The following ASTN1 variants were observed in gnomAD, a reference collection of about 807,000 sequenced individuals.
ASTN1 encodes the protein astrotactin 1, also known as astrotactin-1.
In ASTN1, 41 loss-of-function variants were observed where a neutral mutation model predicts 140.7. That is an observed-to-expected ratio of 0.29 (90% CI 0.23 to 0.38). ASTN1 has a LOEUF of 0.38. Among genes scored for constraint, ASTN1 ranks in the 10% least tolerant of loss-of-function variants. ASTN1 has a pLI of 1.00. For missense variants in ASTN1, 1,479 were observed against 1,678.8 expected, an observed-to-expected ratio of 0.88 and a Z score of 2.08; for synonymous variants, 640 against 652.2, an observed-to-expected ratio of 0.98 and a Z score of 0.29.
intron 1 of ASTN1, among the ~76,000 whole-genome samples, chr1:177,162,803 C>T (rs2102271054): frequency 6.6e-6 from 1 of 152,290 alleles, no homozygotes; most frequent in African/African-American, 2.4e-5. Context: ...TTTCCATCCT[C>T]CAAATAACCC....
intron 1 of ASTN1, among the ~76,000 whole-genome samples, chr1:177,099,149 T>C (rs1680184818): frequency 6.6e-6 from 1 of 152,228 alleles, no homozygotes; most frequent in Non-Finnish European, 1.5e-5. Context: ...TATACTGCTA[T>C]AATTAAAAAT....
At chr1:177,103,022 A>G (rs1349464708) in intron 1 of ASTN1, among the ~76,000 whole-genome samples, 3 of 152,240 alleles carry the variant, frequency 2.0e-5, no homozygotes, top group Admixed American at 6.5e-5. Flanking sequence ...CCATACTGCA[A>G]AAGGATGATA....
At chr1:176,999,644 T>G in intron 8 of ASTN1, among the ~76,000 whole-genome samples, 1 of 152,178 alleles carries the variant, frequency 6.6e-6, no homozygotes, top group East Asian at 1.9e-4. Context: ...GAAGGTGATA[T>G]GGTTTGGCTG....
intron 7 of ASTN1, among the ~76,000 whole-genome samples, chr1:177,020,135 C>T (rs1158305376): frequency 6.6e-6 from 1 of 152,124 alleles, no homozygotes; most frequent in Non-Finnish European, 1.5e-5. Context: ...CAATCTGCCT[C>T]CCTTAGCCTC....
intron 1 of ASTN1, among the ~76,000 whole-genome samples, chr1:177,149,085 CAT>C (rs1296543675): frequency 4.3e-5 from 5 of 115,452 alleles, no homozygotes; most frequent in Non-Finnish European, 6.5e-5. Flanking sequence ...ATATAGTAAA[CAT>C]ATATATAGTA....
chr1:177,043,936 T>C (rs1245990630), intron 2 of ASTN1, among the ~76,000 whole-genome samples: 5 of 151,996 alleles, frequency 3.3e-5, no homozygotes, highest in African/African-American at 1.2e-4. Context: ...TTTAAAAAAT[T>C]ATTAAATTGA....
At chr1:176,949,040 C>T in intron 12 of ASTN1, 145 bp downstream of exon 12, 1 of 1,178,098 alleles carries the variant, frequency 8.5e-7, no homozygotes, top group Non-Finnish European at 1.2e-6. Flanking sequence ...AAAATGTTCC[C>T]CCCCAAGTCC....
chr1:177,104,838 T>A (rs1680476497), intron 1 of ASTN1, among the ~76,000 whole-genome samples: 1 of 152,214 alleles, frequency 6.6e-6, no homozygotes, highest in Admixed American at 6.5e-5. Context: ...AATATTTAGA[T>A]GAGATGATAC....
At chr1:176,913,211 G>T (rs1670326904) in intron 16 of ASTN1, among the ~76,000 whole-genome samples, 1 of 152,200 alleles carries the variant, frequency 6.6e-6, no homozygotes, top group Admixed American at 6.5e-5. Context: ...GACAGGGGTT[G>T]CCATGTTCTC....
chr1:177,095,056 G>A (rs886474129), intron 1 of ASTN1, among the ~76,000 whole-genome samples: 5 of 152,198 alleles, frequency 3.3e-5, no homozygotes, highest in African/African-American at 1.2e-4. Flanking sequence ...CCAGTATTTT[G>A]TAGAAGGTAG....
chr1:176,987,437 T>C (rs866897751), intron 8 of ASTN1, among the ~76,000 whole-genome samples: 5 of 152,316 alleles, frequency 3.3e-5, no homozygotes, highest in South Asian at 2.1e-4. Flanking sequence ...TTTCCTATAA[T>C]ACCGTATTCA....
chr1:177,087,899 G>C (rs1377545584), intron 1 of ASTN1, among the ~76,000 whole-genome samples: 1 of 152,194 alleles, frequency 6.6e-6, no homozygotes, highest in Non-Finnish European at 1.5e-5. Flanking sequence ...TCTCTCTGAG[G>C]GTGGCTTGCT....
rs957955624 is a variant in ASTN1 at position 176,980,049 on chromosome 1, C to T, written c.1524-14812G>A. 4.7e-4 allele frequency among the ~76,000 whole-genome samples: 71 copies of T among 152,196 alleles called. No homozygotes were observed. The Middle Eastern group carries it at 0.01, about 22-fold the overall frequency. On this transcript the variant is annotated intron_variant, in intron 8 of 22. Coordinates refer to ENST00000361833, the MANE Select transcript of ASTN1 (RefSeq NM_004319.3). ...AAAACCATGTGGAGCGTTAAAGGGT[C>T]AAGGGATCACTTGACATTTGAATAA...
intron 1 of ASTN1, among the ~76,000 whole-genome samples, chr1:177,108,861 T>C (rs1338729400): frequency 5.9e-5 from 9 of 152,094 alleles, no homozygotes; most frequent in Admixed American, 3.9e-4. Flanking sequence ...AGTTATATAG[T>C]TGTAGGCATT....
chr1:176,955,912 A>T (rs957261051), intron 11 of ASTN1, among the ~76,000 whole-genome samples: 3 of 152,248 alleles, frequency 2.0e-5, no homozygotes, highest in African/African-American at 7.2e-5. Flanking sequence ...AGCACTTAGA[A>T]TGACGCCAGA....
At chr1:176,883,637 C>A (rs1278449924) in intron 19 of ASTN1, among the ~76,000 whole-genome samples, 1 of 152,212 alleles carries the variant, frequency 6.6e-6, no homozygotes, top group East Asian at 1.9e-4. Context: ...CCTGAAGCAG[C>A]AGCTGCGTAT....
chr1:177,086,284 T>TA (rs5778928), intron 1 of ASTN1, among the ~76,000 whole-genome samples: 149,824 of 150,842 alleles, frequency 0.99, 74,418 homozygotes, highest in East Asian at 1. Flanking sequence ...TGAATCCATT[T>TA]AAAAAACTCC....
At chr1:176,897,433 C>T (rs2103042404) in intron 16 of ASTN1, among the ~76,000 whole-genome samples, 1 of 152,210 alleles carries the variant, frequency 6.6e-6, no homozygotes, top group East Asian at 1.9e-4. Context: ...GGCTCTTACC[C>T]ACCTTCTAAT....
At chr1:176,960,472 T>C (rs1401168893) in intron 9 of ASTN1, among the ~76,000 whole-genome samples, 1 of 152,252 alleles carries the variant, frequency 6.6e-6, no homozygotes, top group African/African-American at 2.4e-5. Context: ...GCAGTTCTGA[T>C]ACATTTCTGA....
Sources: gnomAD v4.1 joint callset for allele counts (sites outside exome capture counted in the v4.1 genomes callset) on GRCh38, gnomAD v4.1.1 for gene constraint, MANE v1.5 for transcripts, NCBI Gene and HGNC (gene_info 2026-07-23, HGNC 2026-07-21) for gene names.